The following CS variants were observed in gnomAD, a reference collection of about 807,000 sequenced individuals.
The protein encoded by CS is citrate synthase, also known as citrate synthase, mitochondrial.
In CS, 13 loss-of-function variants were observed where a neutral mutation model predicts 61.4. The ratio of observed to expected loss-of-function variants is 0.21; its 90% CI spans 0.14 to 0.34. The LOEUF (loss-of-function observed/expected upper bound fraction) is 0.34. Among genes scored for constraint, CS ranks in the 10% least tolerant of loss-of-function variants. The pLI, the probability that CS is intolerant of heterozygous loss-of-function variation, is 1.00. For missense variants in CS, 278 were observed against 573.4 expected (o/e 0.48, Z 5.26); for synonymous variants, 159 against 215.2 (o/e 0.74, Z 2.29).
intron 7 of CS, chr12:56,275,637 G>C (rs747345139): frequency 1.7e-4 from 53 of 305,182 alleles, no homozygotes; most frequent in Non-Finnish European, 2.7e-4. Context: ...CACAGAGCTG[G>C]AGAGGTTACT....
At position 56,271,718 on chromosome 12, in the gene CS, T is replaced by C. The variant is rs1046362567; in HGVS notation, c.*1366A>G. The C allele has an allele frequency of 9.8e-6, 3 of 305,016 alleles. No homozygotes were observed. The highest frequency in any genetic ancestry group is 8.0e-5 in the South Asian group (3 of 37,496). 18.9% of individuals were successfully genotyped at this position (305,016 alleles called of 1,614,324 possible). On this transcript the variant is annotated 3_prime_UTR_variant, in exon 11 of 11. Coordinates refer to ENST00000351328, the MANE Select transcript of CS (RefSeq NM_004077.3). Reference sequence around the variant, plus strand: ...CTCAAGCATTGTTAATAAAAACATTTATTTTGCATTTTATACAGAACAACC... The same window carrying C: ...CTCAAGCATTGTTAATAAAAACATTCATTTTGCATTTTATACAGAACAACC...
Position 56,300,176 on chromosome 12 carries a change from C to T in CS, c.26G>A (p.Arg9Gln), listed in dbSNP as rs1161738970. The change falls in exon 1 of 11, where the codon CGG becomes CAG. Residue 9 changes from arginine (R) to glutamine (Q), a missense_variant. Physicochemically the swap from Arg to Gln is conservative, Grantham distance 43. This residue lies in a region of CS where 55 missense variants were observed against 69.9 expected (regional missense o/e 0.79). Transcript: ENST00000351328. Reference protein sequence around the residue: MALLTAAARLLGTKNASCL... With the variant: MALLTAAAQLLGTKNASCL... ...GCTGCTCACCTTGGTTCCCAAGAGC[C>T]GGGCGGCCGCAGTAAGTAAAGCCAT... The T allele has an allele frequency of 1.3e-5, 20 of 1,572,068 alleles. No homozygotes were observed. The South Asian group carries it at 2.1e-4, about 16-fold the overall frequency.
intron 6 of CS, among the ~76,000 whole-genome samples, chr12:56,280,994 T>C (rs955234776): frequency 6.6e-6 from 1 of 152,188 alleles, no homozygotes; most frequent in African/African-American, 2.4e-5. Flanking sequence ...GCCAAATTAA[T>C]ATTGACCAAC....
At chr12:56,281,724 G>C (rs779318921) in intron 6 of CS, among the ~76,000 whole-genome samples, 102 of 152,092 alleles carry the variant, frequency 6.7e-4, no homozygotes, top group Non-Finnish European at 6.2e-4. Flanking sequence ...TGTTGCCCAG[G>C]CTGATCTCAA....
At chr12:56,298,444 G>A (rs921007576) in intron 1 of CS, among the ~76,000 whole-genome samples, 1 of 152,142 alleles carries the variant, frequency 6.6e-6, no homozygotes, top group African/African-American at 2.4e-5. Flanking sequence ...TGGGCTTAAG[G>A]AGGAAAATAA....
intron 6 of CS, among the ~76,000 whole-genome samples, chr12:56,282,095 G>A (rs1010941874): frequency 4.6e-5 from 7 of 152,168 alleles, no homozygotes; most frequent in African/African-American, 1.7e-4. Context: ...CTGACCTCGT[G>A]ATCTGCCCGC....
rs1243403059 is a variant in CS, at chr12:56,286,733, T to C, written c.43-88A>G. 5 of 1,152,162 alleles carry C rather than the reference T, an allele frequency of 4.3e-6. No individual in the cohort carries two copies. In the East Asian group the frequency reaches 7.5e-5, roughly 17 times the overall value. 71.4% of individuals were successfully genotyped at this position (1,152,162 alleles called of 1,614,324 possible). ...AGGAATTACAGTGACTCAACCTCTCTCTCTTCATCTCAGTCTCTTAGGGCA... is the reference window on the plus strand; with the variant it reads ...AGGAATTACAGTGACTCAACCTCTCCCTCTTCATCTCAGTCTCTTAGGGCA... On this transcript the variant is annotated intron_variant, in intron 1 of 10. Transcript: ENST00000351328.
At chr12:56,288,325 T>C (rs1209222323) in intron 1 of CS, among the ~76,000 whole-genome samples, 2 of 151,742 alleles carry the variant, frequency 1.3e-5, no homozygotes, top group East Asian at 1.9e-4. Context: ...GAGAGTTCTA[T>C]AGGGCTGAAG....
At position 56,284,534 on chromosome 12, in the gene CS, C is replaced by T. The variant is rs536725841; in HGVS notation, c.202-677G>A. Among the ~76,000 whole-genome samples the T allele has an allele frequency of 9.6e-4, 145 of 151,572 alleles. 2 individuals carry two copies. The South Asian group carries it at 0.028, about 29-fold the overall frequency. The stretch of plus-strand genomic sequence containing the variant: ...CAGGTGATCCACCCACTTCAGCCTC[C>T]TGAGTAGCTGGGATTATAGGCACGT... On this transcript the variant is annotated intron_variant, in intron 3 of 10. Coordinates refer to ENST00000351328, the MANE Select transcript of CS (RefSeq NM_004077.3).
At position 56,274,758 on chromosome 12, in the gene CS, G is replaced by A. The variant is rs375369120; in HGVS notation, c.1020+19C>T. ...TTGTGTCTTGGTTTCTTTCCTAGTC[G>A]TTAAGCATCTCTGCTTACCCGTCCT... On this transcript the variant is annotated intron_variant, in intron 9 of 10. Transcript: ENST00000351328. 1.7e-5 allele frequency: 25 copies of A among 1,504,202 alleles called. No homozygotes were observed. The highest frequency in any genetic ancestry group is 2.1e-5 in the Non-Finnish European group (23 of 1,120,996). The allele number at this position is 1,504,202 out of a possible 1,614,324, so 93.2% of individuals were successfully genotyped here.
chr12:56,292,106 T>C lies in CS; in HGVS notation c.43-5461A>G, dbSNP rs1442866646. ...TCTGCCTTTGCCTCTTTAAAAAAGT[T>C]CTAAGTTGCAGCTGGGCACTGTGGC... On this transcript the variant is annotated intron_variant, in intron 1 of 10. Coordinates refer to ENST00000351328, the MANE Select transcript of CS (RefSeq NM_004077.3). Among the ~76,000 whole-genome samples the C allele has an allele frequency of 3.3e-5, 5 of 152,098 alleles. No homozygotes were observed. In the South Asian group the frequency reaches 6.2e-4, roughly 19 times the overall value.
chr12:56,291,215 C>T (rs1273539616), intron 1 of CS: 1 of 1,183,420 alleles, frequency 8.5e-7, no homozygotes, highest in Admixed American at 3.7e-5. Flanking sequence ...TGGCCTATCA[C>T]CTACCATCAA....
intron 1 of CS, among the ~76,000 whole-genome samples, chr12:56,290,516 C>T (rs999886550): frequency 3.9e-5 from 6 of 152,104 alleles, no homozygotes; most frequent in Non-Finnish European, 8.8e-5. Context: ...AGCCTGATAG[C>T]CACTTTCTAG....
intron 6 of CS, among the ~76,000 whole-genome samples, chr12:56,279,514 C>G (rs538612980): frequency 6.6e-6 from 1 of 152,210 alleles, no homozygotes; most frequent in South Asian, 2.1e-4. Flanking sequence ...CGCCTGTAAT[C>G]CCAGCACTTT....
intron 6 of CS, among the ~76,000 whole-genome samples, chr12:56,280,825 T>A (rs1003100212): frequency 6.6e-6 from 1 of 152,152 alleles, no homozygotes; most frequent in Non-Finnish European, 1.5e-5. Context: ...CCTAAAGTGT[T>A]TATAAATAAG....
At position 56,276,117 on chromosome 12, in the gene CS, C is replaced by T; in HGVS notation, c.667G>A (p.Glu223Lys). Residue 223 changes from glutamate (E) to lysine (K), a missense_variant, in exon 7 of 11, where the codon GAA becomes AAA. Glu to Lys is a moderately conservative substitution (Grantham distance 56). Coordinates refer to ENST00000351328, the MANE Select transcript of CS (RefSeq NM_004077.3). ...AAKIYRNLYREGSGIGAIDSN... is the reference protein window; with the variant it reads ...AAKIYRNLYRKGSGIGAIDSN... ...TCAATGGCCCCAATACCGCTGCCTT[C>T]TCTGTAGAGATTTCGGTAGATCTTT... 1 of 1,614,100 alleles carries T rather than the reference C, an allele frequency of 6.2e-7. No homozygotes were observed. The highest frequency in any genetic ancestry group is 8.5e-7 in the Non-Finnish European group (1 of 1,180,040).
intron 1 of CS, among the ~76,000 whole-genome samples, chr12:56,298,029 G>A (rs957116249): frequency 6.0e-5 from 9 of 150,790 alleles, no homozygotes; most frequent in Non-Finnish European, 1.2e-4. Flanking sequence ...ACGGAGTTTC[G>A]CTCTTGTTGC....
intron 3 of CS, 58 bp downstream of exon 3, chr12:56,285,858 C>T (rs1872924822): frequency 8.1e-6 from 11 of 1,359,076 alleles, no homozygotes; most frequent in Non-Finnish European, 1.1e-5. Flanking sequence ...GAGAATGTTA[C>T]TTTTGTTGAA....
chr12:56,285,227 T>C, intron 3 of CS: 2 of 446,140 alleles, frequency 4.5e-6, no homozygotes, highest in Non-Finnish European at 9.0e-6. Flanking sequence ...ATTACAGGCA[T>C]GAGCCACTGC....
Sources: gnomAD v4.1 joint callset for allele counts (sites outside exome capture counted in the v4.1 genomes callset) on GRCh38, gnomAD v4.1.1 for gene constraint, gnomAD v4.1.1 regional missense constraint, MANE v1.5 for transcripts, NCBI Gene and HGNC (gene_info 2026-07-23, HGNC 2026-07-21) for gene names.